Variants in STPG2 observed in about 807,000 individuals in gnomAD.
STPG2 encodes sperm tail PG-rich repeat containing 2, also known as sperm-tail PG-rich repeat-containing protein 2.
STPG2 carries 56 observed loss-of-function variants against 54.2 expected under a neutral mutation model. The observed-to-expected ratio is 1.03, with a 90% confidence interval of 0.83 to 1.29. The LOEUF (loss-of-function observed/expected upper bound fraction) is 1.29. STPG2 is among the 50% of genes most tolerant of loss of function. The pLI, the probability that STPG2 is intolerant of heterozygous loss-of-function variation, is 0.00. For synonymous variants in STPG2, 200 were observed against 181.8 expected, an observed-to-expected ratio of 1.10 and a Z score of -0.81; for missense variants, 596 against 544.9, an observed-to-expected ratio of 1.09 and a Z score of -0.93.
At chr4:97,608,531 G>A (rs1733650621) in intron 10 of STPG2, among the ~76,000 whole-genome samples, 1 of 151,982 alleles carries the variant, frequency 6.6e-6, no homozygotes, top group Non-Finnish European at 1.5e-5. Context: ...GGAGTCAACA[G>A]TGTCCTGTAT....
chr4:97,560,740 G>C (rs1578388302), intron 10 of STPG2, among the ~76,000 whole-genome samples: 1 of 152,116 alleles, frequency 6.6e-6, no homozygotes, highest in Non-Finnish European at 1.5e-5. Context: ...GAAAGAGCCA[G>C]TACAACATAG....
rs377011743 is a variant in STPG2 at position 97,902,028 on chromosome 4, C to CA, written c.1044+41868dup. ...ACATATACTATCAACAAATCTTTGG[C>CA]AAAATCACCAAAAATGAATGATATA... is the stretch of plus-strand genomic sequence containing the variant. On this transcript the variant is annotated intron_variant, in intron 8 of 10. Coordinates refer to ENST00000295268, the MANE Select transcript of STPG2 (RefSeq NM_174952.3). Among the ~76,000 whole-genome samples, 522 of 152,032 alleles carry CA rather than the reference C, an allele frequency of 3.4e-3. 3 individuals carry two copies. The highest frequency in any genetic ancestry group is 0.012 in the African/African-American group (494 of 41,524).
At chr4:97,995,462 T>C (rs1157646469) in intron 5 of STPG2, among the ~76,000 whole-genome samples, 1 of 152,158 alleles carries the variant, frequency 6.6e-6, no homozygotes, top group Non-Finnish European at 1.5e-5. Context: ...CTGCCTCCTA[T>C]CCACCATTTT....
chr4:97,896,797 AAG>A, intron 8 of STPG2, among the ~76,000 whole-genome samples: 1 of 152,028 alleles, frequency 6.6e-6, no homozygotes, highest in South Asian at 2.1e-4. Context: ...ACTACAAAAA[AAG>A]ATATTTTCAC....
intron 10 of STPG2, among the ~76,000 whole-genome samples, chr4:97,606,892 A>C (rs1643011372): frequency 6.6e-6 from 1 of 152,030 alleles, no homozygotes. Context: ...ACATATTTTA[A>C]ATTAAATTTC....
At chr4:97,493,205 A>G (rs1485332175) in intron 4 of STPG2, among the ~76,000 whole-genome samples, 1 of 151,198 alleles carries the variant, frequency 6.6e-6, no homozygotes, top group African/African-American at 2.4e-5. Context: ...ACACAGCCAC[A>G]AGAATAACAC....
At chr4:98,110,960 G>A (rs1206278999) in intron 3 of STPG2, among the ~76,000 whole-genome samples, 1 of 151,884 alleles carries the variant, frequency 6.6e-6, no homozygotes, top group Non-Finnish European at 1.5e-5. Flanking sequence ...TGCCCCACCC[G>A]ACTCCAAAAT....
intron 9 of STPG2, among the ~76,000 whole-genome samples, chr4:97,767,131 C>A (rs535635316): frequency 6.6e-6 from 1 of 152,042 alleles, no homozygotes; most frequent in Non-Finnish European, 1.5e-5. Context: ...ACTTAAAAGG[C>A]AAATGAAACT....
At chr4:97,630,894 A>G (rs1721254402) in intron 10 of STPG2, among the ~76,000 whole-genome samples, 1 of 151,948 alleles carries the variant, frequency 6.6e-6, no homozygotes, top group Non-Finnish European at 1.5e-5. Flanking sequence ...TTCATATGAA[A>G]AATAAAACAT....
chr4:98,072,947 T>A (rs1174957090), intron 5 of STPG2, among the ~76,000 whole-genome samples: 2 of 152,180 alleles, frequency 1.3e-5, no homozygotes, highest in African/African-American at 4.8e-5. Context: ...TCTCAAGTAA[T>A]CTCATTTGTA....
At chr4:97,564,704 G>T (rs1578391946) in intron 10 of STPG2, among the ~76,000 whole-genome samples, 2 of 152,080 alleles carry the variant, frequency 1.3e-5, no homozygotes, top group East Asian at 1.9e-4. Context: ...GCTTAGTTTG[G>T]CTTGATATGA....
chr4:97,699,800 C>T (rs1479142282), intron 10 of STPG2, among the ~76,000 whole-genome samples: 1 of 152,146 alleles, frequency 6.6e-6, no homozygotes, highest in Admixed American at 6.5e-5. Flanking sequence ...ATGAGGCCAT[C>T]AGTGCAGGCT....
intron 9 of STPG2, among the ~76,000 whole-genome samples, chr4:97,739,944 C>A (rs897957887): frequency 6.6e-6 from 1 of 151,950 alleles, no homozygotes; most frequent in African/African-American, 2.4e-5. Context: ...CCTTGATGAA[C>A]ATTGATGCAA....
At chr4:97,645,319 A>G (rs2148948740) in intron 10 of STPG2, among the ~76,000 whole-genome samples, 1 of 152,042 alleles carries the variant, frequency 6.6e-6, no homozygotes, top group African/African-American at 2.4e-5. Flanking sequence ...AAAAAAAAAA[A>G]GAATTCAGCA....
At chr4:97,712,917 A>G (rs1724170841) in intron 9 of STPG2, 103 bp from the exon 10 acceptor site, 3 of 692,056 alleles carry the variant, frequency 4.3e-6, no homozygotes, top group Non-Finnish European at 6.7e-6. Context: ...TAAAATTAGC[A>G]TGAAACAATC....
At chr4:97,611,361 C>A (rs79534414) in intron 10 of STPG2, among the ~76,000 whole-genome samples, 15,220 of 150,816 alleles carry the variant, frequency 0.1, 909 homozygotes, top group South Asian at 0.19. Flanking sequence ...AACACACACA[C>A]AAAAAAACAG....
chr4:97,644,592 A>G (rs558850847), intron 10 of STPG2, among the ~76,000 whole-genome samples: 9 of 152,120 alleles, frequency 5.9e-5, no homozygotes, highest in African/African-American at 2.2e-4. Context: ...CAAACATCGC[A>G]TGGCTCTAAC....
chr4:97,821,447 C>G (rs891892739), intron 9 of STPG2, among the ~76,000 whole-genome samples: 1 of 152,282 alleles, frequency 6.6e-6, no homozygotes, highest in African/African-American at 2.4e-5. Context: ...GTACAAGCTG[C>G]AAGTGGATCT....
At chr4:97,939,284 CTCT>C (rs1486653464) in intron 8 of STPG2, among the ~76,000 whole-genome samples, 5 of 150,516 alleles carry the variant, frequency 3.3e-5, no homozygotes, top group Non-Finnish European at 7.4e-5. Context: ...AGTATATATT[CTCT>C]TGTTTGGGGG....
Sources: allele counts gnomAD v4.1 joint callset (sites outside exome capture counted in the v4.1 genomes callset), GRCh38; gene constraint gnomAD v4.1.1; transcripts MANE v1.5; gene names NCBI Gene and HGNC (gene_info 2026-07-23, HGNC 2026-07-21).